AZIN2: variants seen among roughly 807,000 people sequenced by gnomAD.
AZIN2 encodes antizyme inhibitor 2.
In AZIN2, 28 loss-of-function variants were observed where a neutral mutation model predicts 47.8. That is an observed-to-expected ratio of 0.59 (90% CI 0.43 to 0.80). The LOEUF (loss-of-function observed/expected upper bound fraction) is 0.80, where lower values mean the gene tolerates loss of function less well. Ranked by LOEUF, AZIN2 falls within the 30% of genes least tolerant of loss-of-function variation. AZIN2 has a pLI of 0.00. For synonymous variants in AZIN2, 221 were observed against 239.4 expected, an observed-to-expected ratio of 0.92 and a Z score of 0.71; for missense variants, 535 against 582.5, an observed-to-expected ratio of 0.92 and a Z score of 0.84.
chr1:33,140,467 G>A, the AZIN2 span, among the ~76,000 whole-genome samples: 4 of 152,252 alleles, frequency 2.6e-5, no homozygotes, highest in Non-Finnish European at 5.9e-5. The surrounding 1 kb of genome is among the most constrained non-coding windows in gnomAD (Gnocchi z 4.0). Flanking sequence ...TTGACCTGCG[G>A]TATGTGGTAA....
At chr1:33,082,652 C>G in intron 4 of AZIN2, 1 of 277,124 alleles carries the variant, frequency 3.6e-6, no homozygotes, top group South Asian at 4.7e-5. Context: ...AATTCTGCCT[C>G]CTTAAATAAG....
chr1:33,143,820 G>A, the AZIN2 span, among the ~76,000 whole-genome samples: 1 of 152,322 alleles, frequency 6.6e-6, no homozygotes, highest in Non-Finnish European at 1.5e-5. Flanking sequence ...CAGTGGCCTG[G>A]GAGACACAGT....
chr1:33,134,895 C>T, the AZIN2 span, among the ~76,000 whole-genome samples: 1 of 152,230 alleles, frequency 6.6e-6, no homozygotes, highest in Non-Finnish European at 1.5e-5. Flanking sequence ...CCCCTGGCCT[C>T]AGCCTCACCA....
At chr1:33,088,832 CT>C (rs1293521584) in intron 5 of AZIN2, among the ~76,000 whole-genome samples, 2 of 152,218 alleles carry the variant, frequency 1.3e-5, no homozygotes. Flanking sequence ...TCCTTTGCCT[CT>C]CACACCCAGG....
intron 10 of AZIN2, among the ~76,000 whole-genome samples, chr1:33,103,303 A>G (rs1012811033): frequency 2.0e-5 from 3 of 151,536 alleles, no homozygotes; most frequent in Non-Finnish European, 4.4e-5. Flanking sequence ...CTCTGCCCTC[A>G]CTCCTGTCCC....
chr1:33,141,698 T>C, the AZIN2 span, among the ~76,000 whole-genome samples: 24 of 152,126 alleles, frequency 1.6e-4, no homozygotes, highest in Non-Finnish European at 3.1e-4. Flanking sequence ...CATTTTGTAA[T>C]AGAAATATGA....
chr1:33,088,196 C>G (rs541359476), intron 5 of AZIN2, among the ~76,000 whole-genome samples: 1 of 152,166 alleles, frequency 6.6e-6, no homozygotes, highest in African/African-American at 2.4e-5. Context: ...TGACTTGATA[C>G]GAGGAGATGC....
At position 33,113,378 on chromosome 1, in the gene AZIN2, C is replaced by T. The variant is rs1487038170; in HGVS notation, c.1030-4524C>T. Among the ~76,000 whole-genome samples, 1 of 152,138 alleles carries T rather than the reference C, an allele frequency of 6.6e-6. No individual in the cohort carries two copies. Among genetic ancestry groups the T allele is most frequent in the East Asian group, 1.9e-4 (1 of 5,196 alleles). ...ACTACTATTGTGAGTGAAAACTTTT[C>T]CCTGTGTTTTTGAGCTGAGATGCTG... On this transcript the variant is annotated intron_variant, in intron 10 of 11. Transcript: ENST00000294517. This position sits in a 1 kb window ranked among gnomAD's most constrained non-coding sequence, Gnocchi z 4.1.
chr1:33,141,403 T>G, the AZIN2 span, among the ~76,000 whole-genome samples: 1 of 152,192 alleles, frequency 6.6e-6, no homozygotes, highest in Non-Finnish European at 1.5e-5. Flanking sequence ...AGTACTCATC[T>G]CAGCTCCACC....
At chr1:33,126,016 A>C (rs887467878), downstream of AZIN2, among the ~76,000 whole-genome samples, 4 of 152,198 alleles carry the variant, frequency 2.6e-5, no homozygotes, top group African/African-American at 9.7e-5. Flanking sequence ...AAACAAAAAA[A>C]CTGTAACATT....
At chr1:33,156,570 C>T in the AZIN2 span, among the ~76,000 whole-genome samples, 2 of 152,198 alleles carry the variant, frequency 1.3e-5, no homozygotes, top group Non-Finnish European at 2.9e-5. Context: ...CCTCTTGTCC[C>T]TGACTTCTAG....
At chr1:33,158,686 G>T in the AZIN2 span, among the ~76,000 whole-genome samples, 1 of 152,186 alleles carries the variant, frequency 6.6e-6, no homozygotes, top group Non-Finnish European at 1.5e-5. Context: ...TTAGCAATCA[G>T]TATTGATCAC....
At chr1:33,161,277 G>A in the AZIN2 span, among the ~76,000 whole-genome samples, 2 of 152,166 alleles carry the variant, frequency 1.3e-5, no homozygotes, top group African/African-American at 4.8e-5. This position sits in a 1 kb window ranked among gnomAD's most constrained non-coding sequence, Gnocchi z 4.3. Context: ...GTCAGTTGGG[G>A]GTCAGGGGAA....
In AZIN2 at chr1:33,084,540, CTG is replaced by C. The variant is rs537970210; in HGVS notation, c.279+415_279+416del. ...TGTAGTTTTGTTGTTGCCACCAATT[CTG>C]TCTTTCTAATTTGATTTCTGCTGTT... On this transcript the variant is annotated intron_variant, in intron 5 of 11. Transcript: ENST00000294517. 3.3e-5 allele frequency among the ~76,000 whole-genome samples: 5 copies of C among 152,164 alleles called. No homozygotes were observed. The East Asian group carries it at 9.7e-4, about 29-fold the overall frequency.
At chr1:33,124,187 T>C (rs1292788489), downstream of AZIN2, among the ~76,000 whole-genome samples, 1 of 151,526 alleles carries the variant, frequency 6.6e-6, no homozygotes, top group South Asian at 2.1e-4. The surrounding 1 kb of genome is among the most constrained non-coding windows in gnomAD (Gnocchi z 4.6). Flanking sequence ...CAATAAAAAA[T>C]AAAAAAAGAA....
chr1:33,099,981 T>C (rs1406227092), intron 10 of AZIN2, among the ~76,000 whole-genome samples: 2 of 152,170 alleles, frequency 1.3e-5, no homozygotes, highest in Admixed American at 1.3e-4. Flanking sequence ...TTTCTTTGCA[T>C]ACCTGCTCTT....
At chr1:33,130,691 C>T in the AZIN2 span, among the ~76,000 whole-genome samples, 8 of 152,138 alleles carry the variant, frequency 5.3e-5, no homozygotes, top group South Asian at 2.1e-4. Context: ...AAGTAATATT[C>T]GTGGTTTTAA....
At position 33,098,088 on chromosome 1, in the gene AZIN2, A is replaced by C; in HGVS notation, c.938A>C (p.Lys313Thr). 1 of 1,614,076 alleles carries C rather than the reference A, an allele frequency of 6.2e-7. No individual in the cohort carries two copies. The highest frequency in any genetic ancestry group is 8.5e-7 in the Non-Finnish European group (1 of 1,180,008). The change falls in exon 10 of 12, where the codon AAG (lysine) becomes ACG (threonine). Residue 313 changes from lysine to threonine, a missense_variant. Physicochemically the swap from Lys to Thr is moderately conservative, Grantham distance 78. Coordinates refer to ENST00000294517, the MANE Select transcript of AZIN2 (RefSeq NM_052998.4). ...GCAGAGGAAAATGGTTCCACCTCCA[A>C]GACCATCGTGTACCACCTTGATGAG... ...GREEENGSTS[K>T]TIVYHLDEGV...
the AZIN2 span, among the ~76,000 whole-genome samples, chr1:33,135,303 C>A: frequency 6.6e-6 from 1 of 151,978 alleles, no homozygotes. Context: ...AACAAACAAA[C>A]AAACAAACCA....
Sources: gnomAD v4.1 joint callset for allele counts (sites outside exome capture counted in the v4.1 genomes callset) on GRCh38, gnomAD v4.1.1 for gene constraint, Gnocchi (gnomAD v3.1) non-coding constraint, MANE v1.5 for transcripts, NCBI Gene and HGNC (gene_info 2026-07-23, HGNC 2026-07-21) for gene names.